The following TNS3 variants were observed in gnomAD, a reference collection of about 807,000 sequenced individuals.
The protein encoded by TNS3 is tensin-3.
In TNS3, 45 loss-of-function variants were observed where a neutral mutation model predicts 140.9. The observed-to-expected ratio is 0.32, with a 90% CI of 0.25 to 0.41. The LOEUF is 0.41. Among genes scored for constraint, TNS3 ranks in the 10% least tolerant of loss-of-function variants. The probability of loss-of-function intolerance (pLI) is 1.00; values close to 1 mark genes in which losing one functional copy is unlikely to be tolerated. For missense variants in TNS3, 1,716 were observed against 1,906.7 expected, an observed-to-expected ratio of 0.90 and a Z score of 1.86; for synonymous variants, 815 against 788.4, an observed-to-expected ratio of 1.03 and a Z score of -0.56.
intron 8 of TNS3, among the ~76,000 whole-genome samples, chr7:47,433,899 C>A (rs939864565): frequency 6.6e-5 from 10 of 151,058 alleles, no homozygotes; most frequent in Non-Finnish European, 1.0e-4. Context: ...CTCTCTCTCT[C>A]TCTCTCTCTC....
At chr7:47,434,597 T>C (rs2151531977) in intron 8 of TNS3, among the ~76,000 whole-genome samples, 1 of 152,260 alleles carries the variant, frequency 6.6e-6, no homozygotes, top group South Asian at 2.1e-4. Flanking sequence ...CAATCACATT[T>C]GAGGAGCAGT....
rs942887796 is a variant in TNS3, at chr7:47,407,161, C to G, written c.723+4566G>C. On this transcript the variant is annotated intron_variant, in intron 13 of 30. Transcript: ENST00000311160. This position sits in a 1 kb window ranked among gnomAD's most constrained non-coding sequence, Gnocchi z 4.1. ...AGTCAACAGCACTGAGATTTCTGGG[C>G]TTTGGCAAAAGATGCACTCCCGACT... Among the ~76,000 whole-genome samples, 1 of 152,144 alleles carries G rather than the reference C, an allele frequency of 6.6e-6. No homozygotes were observed. Among genetic ancestry groups the G allele is most frequent in the African/African-American group, 2.4e-5 (1 of 41,426 alleles).
chr7:47,402,688 C>G (rs1793227394), intron 13 of TNS3, among the ~76,000 whole-genome samples: 1 of 152,128 alleles, frequency 6.6e-6, no homozygotes, highest in Non-Finnish European at 1.5e-5. Context: ...CACATGCACC[C>G]CCATTGATAG....
At chr7:47,409,422 G>A (rs1296744604) in intron 13 of TNS3, among the ~76,000 whole-genome samples, 3 of 152,106 alleles carry the variant, frequency 2.0e-5, no homozygotes, top group Admixed American at 1.3e-4. Flanking sequence ...GGCGGTAGGG[G>A]GGAAGACACA....
At chr7:47,339,165 A>G (rs1044876433) in intron 20 of TNS3, among the ~76,000 whole-genome samples, 1 of 151,876 alleles carries the variant, frequency 6.6e-6, no homozygotes, top group African/African-American at 2.4e-5. Context: ...TGTCTTTTTT[A>G]TCCTCTTCAC....
chr7:47,368,500 T>C lies in TNS3; in HGVS notation c.2146A>G (p.Ile716Val). 1 of 1,594,164 alleles carries C rather than the reference T, an allele frequency of 6.3e-7. No individual in the cohort carries two copies. Residue 716 changes from isoleucine (I) to valine (V), a missense_variant, in exon 17 of 31, where the codon ATC becomes GTC. By Grantham distance (29) the Ile-to-Val change is conservative (BLOSUM62 3). Transcript: ENST00000311160. ...CCGAGGGCGTTCATGTGGGTAGGGA[T>C]GGGCTCGAAGGTGGGATCCAGCTCC... ...ILELDPTFEPIPTHMNALGSQ... is the reference protein window; with the variant it reads ...ILELDPTFEPVPTHMNALGSQ...
At chr7:47,359,327 A>T (rs1790184697) in intron 17 of TNS3, among the ~76,000 whole-genome samples, 3 of 152,204 alleles carry the variant, frequency 2.0e-5, no homozygotes, top group Admixed American at 2.0e-4. Flanking sequence ...TTTATGTAAA[A>T]TGTCCACAGT....
chr7:47,428,082 C>T (rs1442980306), intron 9 of TNS3, among the ~76,000 whole-genome samples: 1 of 152,006 alleles, frequency 6.6e-6, no homozygotes, highest in East Asian at 1.9e-4. Flanking sequence ...CATGGAAGTA[C>T]TTAGAATCAA....
chr7:47,281,496 T>G (rs1404971962), intron 28 of TNS3, among the ~76,000 whole-genome samples: 1 of 152,206 alleles, frequency 6.6e-6, no homozygotes, highest in East Asian at 1.9e-4. Context: ...GGAGATAGGC[T>G]AGGGCAGAGG....
intron 16 of TNS3, among the ~76,000 whole-genome samples, chr7:47,384,699 G>T (rs563039956): frequency 6.6e-6 from 1 of 152,178 alleles, no homozygotes; most frequent in Non-Finnish European, 1.5e-5. Context: ...GCTCTTCTCT[G>T]CATGTATCCA....
At chr7:47,381,089 A>G (rs74601814) in intron 16 of TNS3, among the ~76,000 whole-genome samples, 1,603 of 152,320 alleles carry the variant, frequency 0.011, 27 homozygotes, top group African/African-American at 0.037. Flanking sequence ...AAGGTGGAGA[A>G]AGAAGCTCCT....
At chr7:47,421,424 C>T (rs923491717) in intron 10 of TNS3, among the ~76,000 whole-genome samples, 2 of 151,386 alleles carry the variant, frequency 1.3e-5, no homozygotes, top group African/African-American at 2.4e-5. Context: ...TGTGCCATCA[C>T]ATCCAGCTAA....
chr7:47,425,061 G>A (rs190380878), intron 9 of TNS3, among the ~76,000 whole-genome samples: 2 of 152,188 alleles, frequency 1.3e-5, no homozygotes, highest in African/African-American at 2.4e-5. Flanking sequence ...GCTCACGCCT[G>A]TACTCCCAGC....
intron 9 of TNS3, among the ~76,000 whole-genome samples, chr7:47,427,259 G>A (rs1554323870): frequency 6.6e-6 from 1 of 151,716 alleles, no homozygotes; most frequent in Non-Finnish European, 1.5e-5. Context: ...GATTTTCCTG[G>A]CACACACACA....
At chr7:47,397,600 A>G (rs1270843110) in intron 15 of TNS3, among the ~76,000 whole-genome samples, 1 of 152,222 alleles carries the variant, frequency 6.6e-6, no homozygotes, top group Non-Finnish European at 1.5e-5. Flanking sequence ...GTTAATGATG[A>G]AATCATGATG....
At chr7:47,489,164 G>GC (rs1464969868) in intron 3 of TNS3, among the ~76,000 whole-genome samples, 1 of 152,110 alleles carries the variant, frequency 6.6e-6, no homozygotes, top group Non-Finnish European at 1.5e-5. Context: ...GAAAACACCC[G>GC]CCCGGCAGAC....
At chr7:47,556,527 C>G (rs1297345067) in intron 1 of TNS3, among the ~76,000 whole-genome samples, 1 of 152,112 alleles carries the variant, frequency 6.6e-6, no homozygotes, top group Non-Finnish European at 1.5e-5. Context: ...GACAGAGGGC[C>G]CCACATCCCT....
intron 17 of TNS3, among the ~76,000 whole-genome samples, chr7:47,364,277 ATTTTT>A (rs10566032): frequency 5.4e-5 from 6 of 110,626 alleles, no homozygotes; most frequent in Admixed American, 1.9e-4. Flanking sequence ...GTAAGCAATA[ATTTTT>A]TTTTTTTTTT....
chr7:47,298,210 C>T (rs1786164603), intron 23 of TNS3, among the ~76,000 whole-genome samples: 1 of 152,198 alleles, frequency 6.6e-6, no homozygotes, highest in African/African-American at 2.4e-5. Context: ...GCAGGTGGCC[C>T]CCTATCCCGT....
Sources: allele counts gnomAD v4.1 joint callset (sites outside exome capture counted in the v4.1 genomes callset), GRCh38; gene constraint gnomAD v4.1.1; non-coding constraint Gnocchi (gnomAD v3.1); transcripts MANE v1.5; gene names NCBI Gene and HGNC (gene_info 2026-07-23, HGNC 2026-07-21).